Variants in COL5A2 observed in about 807,000 individuals in gnomAD.
The protein encoded by COL5A2 is collagen alpha-2(V) chain.
In COL5A2, 23 loss-of-function variants were observed where a neutral mutation model predicts 208.2. The observed-to-expected ratio is 0.11, with a 90% CI of 0.08 to 0.16. The LOEUF is 0.16. COL5A2 is among the 10% of genes least tolerant of loss of function. The pLI is 1.00. For synonymous variants in COL5A2, 625 were observed against 628.5 expected, an observed-to-expected ratio of 0.99 and a Z score of 0.08; for missense variants, 1,590 against 1,956.4, an observed-to-expected ratio of 0.81 and a Z score of 3.53.
In COL5A2 at chr2:189,129,648, A is replaced by G. The variant is rs1687673559; in HGVS notation, c.98-19199T>C. Among the ~76,000 whole-genome samples, 4 of 152,012 alleles carry G rather than the reference A, an allele frequency of 2.6e-5. No individual in the cohort carries two copies. The South Asian group carries it at 8.3e-4, about 31-fold the overall frequency. On this transcript the variant is annotated intron_variant, in intron 1 of 53. Coordinates refer to ENST00000374866, the MANE Select transcript of COL5A2 (RefSeq NM_000393.5). ...GACAAGTTATAGTGTATGATTTAGG[A>G]AATCATTTTCAAATTAGGAATTGAA...
intron 1 of COL5A2, among the ~76,000 whole-genome samples, chr2:189,159,794 C>T (rs558345737): frequency 3.3e-5 from 5 of 152,008 alleles, no homozygotes; most frequent in Non-Finnish European, 4.4e-5. Context: ...GGCTGAGGTA[C>T]GAGAATCACT....
the COL5A2 span, among the ~76,000 whole-genome samples, chr2:189,309,473 G>A: frequency 3.3e-5 from 5 of 152,152 alleles, no homozygotes; most frequent in Non-Finnish European, 4.4e-5. Flanking sequence ...AGGCCACTGC[G>A]CATGCAGACT....
chr2:189,368,436 T>C, the COL5A2 span, among the ~76,000 whole-genome samples: 648 of 152,136 alleles, frequency 4.3e-3, 2 homozygotes, highest in African/African-American at 0.015. Flanking sequence ...AAATCACTGG[T>C]TTTCCAAGGG....
chr2:189,223,796 C>A (rs1372607530), intron 1 of COL5A2, among the ~76,000 whole-genome samples: 1 of 152,050 alleles, frequency 6.6e-6, no homozygotes, highest in African/African-American at 2.4e-5. Flanking sequence ...ATAGATGGTA[C>A]TGATTGGAGC....
intron 13 of COL5A2, among the ~76,000 whole-genome samples, chr2:189,080,752 T>C (rs1235924962): frequency 6.6e-6 from 1 of 152,166 alleles, no homozygotes; most frequent in African/African-American, 2.4e-5. Flanking sequence ...TACCCTCTTT[T>C]GTAGCATAGT....
chr2:189,194,263 A>G (rs1263722087), intron 1 of COL5A2, among the ~76,000 whole-genome samples: 1 of 152,182 alleles, frequency 6.6e-6, no homozygotes, highest in African/African-American at 2.4e-5. Context: ...TTAATATAGC[A>G]TTTAATTTTC....
chr2:189,245,482 ATTTTTTTT>A, the COL5A2 span, among the ~76,000 whole-genome samples: 1 of 124,132 alleles, frequency 8.1e-6, no homozygotes, highest in East Asian at 2.4e-4. Flanking sequence ...TATACTCAAA[ATTTTTTTT>A]TTTTTTTTTT....
rs2105603501 is a variant in COL5A2, at chr2:189,068,050, C to A, written c.1366G>T (p.Gly456Cys). Residue 456 changes from glycine (G) to cysteine (C), a missense_variant, in exon 21 of 54, where the codon GGT (glycine) becomes TGT (cysteine). Transcript: ENST00000374866. ...AGPPGSPGPQGSTGPQGIRGQ... is the reference protein window; with the variant it reads ...AGPPGSPGPQCSTGPQGIRGQ... Reference sequence around the variant, plus strand: ...CGAATTCCCTGAGGACCAGTGCTACCCTGAGGTCCTGGAGATCCAGGAGGC... The same window carrying A: ...CGAATTCCCTGAGGACCAGTGCTACACTGAGGTCCTGGAGATCCAGGAGGC... The A allele has an allele frequency of 6.2e-7, 1 of 1,614,052 alleles. No homozygotes were observed. The highest frequency in any genetic ancestry group is 8.5e-7 in the Non-Finnish European group (1 of 1,179,990).
At chr2:189,261,749 C>T in the COL5A2 span, among the ~76,000 whole-genome samples, 1 of 152,084 alleles carries the variant, frequency 6.6e-6, no homozygotes, top group Non-Finnish European at 1.5e-5. Context: ...TTATTTTGGC[C>T]AGTTGCTGGG....
At chr2:189,327,847 T>C in the COL5A2 span, among the ~76,000 whole-genome samples, 1 of 152,204 alleles carries the variant, frequency 6.6e-6, no homozygotes. Flanking sequence ...ATTTGCAAGA[T>C]GGAGTTCATG....
chr2:189,355,283 A>T, the COL5A2 span, among the ~76,000 whole-genome samples: 6 of 152,264 alleles, frequency 3.9e-5, no homozygotes, highest in Non-Finnish European at 8.8e-5. Flanking sequence ...AGTTCTGTAG[A>T]TGTCTATTAG....
the COL5A2 span, among the ~76,000 whole-genome samples, chr2:189,293,452 G>C: frequency 6.6e-6 from 1 of 152,092 alleles, no homozygotes; most frequent in Admixed American, 6.5e-5. Context: ...TTTCCAGTAG[G>C]ATAGAACAAG....
At chr2:189,120,334 C>G (rs1353820471) in intron 1 of COL5A2, among the ~76,000 whole-genome samples, 1 of 151,978 alleles carries the variant, frequency 6.6e-6, no homozygotes, top group African/African-American at 2.4e-5. Flanking sequence ...TTTTTCATTT[C>G]TCTAACCTAT....
chr2:189,250,992 G>C, the COL5A2 span, among the ~76,000 whole-genome samples: 2 of 152,134 alleles, frequency 1.3e-5, no homozygotes, highest in Non-Finnish European at 2.9e-5. Flanking sequence ...GGAGCCAGAA[G>C]TCTACCCTGC....
chr2:189,360,972 G>GTT, the COL5A2 span, among the ~76,000 whole-genome samples: 29 of 140,976 alleles, frequency 2.1e-4, no homozygotes, highest in Non-Finnish European at 2.5e-4. Flanking sequence ...TGGCTGTTCT[G>GTT]TTTTTTTTTT....
chr2:189,222,279 G>C (rs1403081064), intron 1 of COL5A2, among the ~76,000 whole-genome samples: 2 of 152,134 alleles, frequency 1.3e-5, no homozygotes, highest in Non-Finnish European at 2.9e-5. Flanking sequence ...CCCTTCCTTA[G>C]AGATTCAGAT....
chr2:189,191,162 A>AAAAAAAAAAAAAAAAAAAAAAC (rs374376776), intron 1 of COL5A2, among the ~76,000 whole-genome samples: 1 of 73,802 alleles, frequency 1.4e-5, no homozygotes, highest in African/African-American at 3.6e-5. Context: ...CAAAAAACAA[A>AAAAAAAAAAAAAAAAAAAAAAC]CAAACAACAA....
At chr2:189,116,345 C>G (rs1687390445) in intron 1 of COL5A2, among the ~76,000 whole-genome samples, 1 of 152,190 alleles carries the variant, frequency 6.6e-6, no homozygotes, top group Non-Finnish European at 1.5e-5. Flanking sequence ...TCCTTCCCTT[C>G]CTTCTGCTCT....
At chr2:189,386,611 T>C in the COL5A2 span, among the ~76,000 whole-genome samples, 1 of 152,018 alleles carries the variant, frequency 6.6e-6, no homozygotes, top group Non-Finnish European at 1.5e-5. Context: ...CCAGAATCTG[T>C]AAGGAACTTA....
Sources: gnomAD v4.1 joint callset for allele counts (sites outside exome capture counted in the v4.1 genomes callset) on GRCh38, gnomAD v4.1.1 for gene constraint, MANE v1.5 for transcripts, NCBI Gene and HGNC (gene_info 2026-07-23, HGNC 2026-07-21) for gene names.